Variants in CCDC14 observed in about 807,000 individuals in gnomAD.
CCDC14 encodes coiled-coil domain containing 14.
In CCDC14, 71 loss-of-function variants were observed where a neutral mutation model predicts 81.4. The ratio of observed to expected loss-of-function variants is 0.87; its 90% confidence interval spans 0.72 to 1.06. The LOEUF is 1.06. Among genes scored for constraint, CCDC14 ranks in the 50% least tolerant of loss-of-function variants. CCDC14 has a pLI of 0.00. For synonymous variants in CCDC14, 332 were observed against 364.8 expected (o/e 0.91, Z 1.03); for missense variants, 1,046 against 1,047.3 (o/e 1.00, Z 0.02).
At chr3:123,898,328 C>A (rs1484820750) in intron 5 of CCDC14, among the ~76,000 whole-genome samples, 1 of 152,242 alleles carries the variant, frequency 6.6e-6, no homozygotes, top group Non-Finnish European at 1.5e-5. Flanking sequence ...AATAATTGTT[C>A]CACAAATGGT....
chr3:123,930,930 CCTAAA>C, intron 12 of CCDC14, 167 bp downstream of exon 12: 1 of 595,260 alleles, frequency 1.7e-6, no homozygotes, highest in Non-Finnish European at 2.7e-6. Context: ...GTTTGAAATT[CCTAAA>C]CTAATTTAAT....
At chr3:123,942,348 G>C (rs937187923) in intron 9 of CCDC14, among the ~76,000 whole-genome samples, 1 of 152,002 alleles carries the variant, frequency 6.6e-6, no homozygotes, top group East Asian at 1.9e-4. Context: ...AGCAGTATTT[G>C]CTGTTCATTA....
rs201345334 is a variant in CCDC14 at position 123,926,298 on chromosome 3, AAAGG to A, written c.1778+4800_1778+4803del. ...AGAAATATGAAAACGTTAAAATTTT[AAAGG>A]AAGGAATATGAGCACCTAAACTGTG... On this transcript the variant is annotated intron_variant, in intron 12 of 12. Transcript: ENST00000409697. Among the ~76,000 whole-genome samples, 204 of 152,096 alleles carry A rather than the reference AAAGG, an allele frequency of 1.3e-3. 3 individuals are homozygous for A. The East Asian group carries it at 0.038, about 28-fold the overall frequency.
At chr3:123,945,490 A>G (rs1343426080) in intron 8 of CCDC14, among the ~76,000 whole-genome samples, 2 of 152,122 alleles carry the variant, frequency 1.3e-5, no homozygotes, top group Non-Finnish European at 2.9e-5. Context: ...TTAATTTTCT[A>G]AAGTAGATTG....
In CCDC14 at chr3:123,915,689, A is replaced by G; in HGVS notation, c.1808T>C (p.Leu603Pro). The change falls in exon 13 of 13, where the codon CTC (leucine) becomes CCC (proline). Residue 603 changes from leucine (L) to proline (P), a missense_variant. Transcript: ENST00000409697. ...RTLQTSMAKLLSDLSVDSARC... is the reference protein window; with the variant it reads ...RTLQTSMAKLPSDLSVDSARC... ...AGCACTGTCCACACTAAGATCGGAG[A>G]GAAGCTTTGCCATGCTAGTCTGTAA... The G allele has an allele frequency of 6.2e-7, 1 of 1,613,016 alleles. No individual in the cohort carries two copies. The highest frequency in any genetic ancestry group is 8.5e-7 in the Non-Finnish European group (1 of 1,179,526).
chr3:123,911,788 G>A (rs180711766), downstream of CCDC14, among the ~76,000 whole-genome samples: 2 of 152,188 alleles, frequency 1.3e-5, no homozygotes, highest in African/African-American at 4.8e-5. Flanking sequence ...TACCTGGTCA[G>A]CTGTGATGAA....
chr3:123,929,671 G>A (rs1343625285), intron 12 of CCDC14, among the ~76,000 whole-genome samples: 1 of 152,182 alleles, frequency 6.6e-6, no homozygotes, highest in African/African-American at 2.4e-5. Flanking sequence ...TATATTCATA[G>A]AGTTGAGAAC....
chr3:123,931,138 C>T lies in CCDC14; in HGVS notation c.1742G>A (p.Arg581His), dbSNP rs147398809. The change falls in exon 12 of 13, where the codon CGT becomes CAT. Residue 581 changes from arginine (R) to histidine (H), a missense_variant. By Grantham distance (29) the Arg-to-His change is conservative (BLOSUM62 0). Transcript: ENST00000409697. ...NQILGITLRQ[R>H]DAEVTRLREL... Reference sequence around the variant, plus strand: ...TCTTAGTCGAGTCACCTCAGCATCACGCTGACGTAATGTTATCCCCAATAT... The same window carrying T: ...TCTTAGTCGAGTCACCTCAGCATCATGCTGACGTAATGTTATCCCCAATAT... The T allele has an allele frequency of 6.5e-5, 105 of 1,608,554 alleles. No individual in the cohort carries two copies. The highest frequency in any genetic ancestry group is 1.6e-4 in the African/African-American group (12 of 74,604).
In CCDC14 at chr3:123,914,938, A is replaced by G; in HGVS notation, c.2559T>C (p.Gly853=). 1 of 1,614,040 alleles carries G rather than the reference A, an allele frequency of 6.2e-7. No homozygotes were observed. The highest frequency in any genetic ancestry group is 1.3e-5 in the African/African-American group (1 of 75,064). The part of the protein sequence containing the change: ...LQVKGNTVCD[G]SVFTSDLMSD... ...ACATCAAGTCAGAAGTGAAAACACT[A>G]CCATCACAGACAGTATTGCCTTTCA... Residue 853 remains glycine (G), a synonymous_variant, in exon 13 of 13, where the codon GGT becomes GGC. Coordinates refer to ENST00000409697, the MANE Select transcript of CCDC14 (RefSeq NM_001366335.1).
chr3:123,957,970 G>A (rs1472492838), intron 1 of CCDC14: 1 of 151,820 alleles, frequency 6.6e-6, no homozygotes, highest in African/African-American at 2.4e-5. Context: ...AAAGTTATAC[G>A]GCATTCTATT....
At chr3:123,916,787 GTGTT>G (rs1033583091) in intron 12 of CCDC14, among the ~76,000 whole-genome samples, 6 of 152,082 alleles carry the variant, frequency 3.9e-5, no homozygotes, top group African/African-American at 9.7e-5. Flanking sequence ...GTCTAAGTGG[GTGTT>G]TGTTTGTTTG....
intron 12 of CCDC14, among the ~76,000 whole-genome samples, chr3:123,919,444 G>A (rs766866655): frequency 7.9e-5 from 12 of 152,116 alleles, no homozygotes; most frequent in African/African-American, 2.7e-4. Context: ...AGCCCAGCCC[G>A]CAACCCTGCC....
chr3:123,892,051 C>A, the CCDC14 span, among the ~76,000 whole-genome samples: 1 of 152,200 alleles, frequency 6.6e-6, no homozygotes, highest in Non-Finnish European at 1.5e-5. Context: ...ACCATCAGGT[C>A]TCGTGAGACC....
Position 123,947,114 on chromosome 3 carries a change from GTTTCCTTATGAA to G in CCDC14, c.878_889del (p.Ile293_Glu296del). ...TGTTTGAATACATTTTAGTAGGTCTGTTTCCTTATGAATTCCTTGTTGTGGCAGAATTCCATT... is the reference window on the plus strand; with the variant it reads ...TGTTTGAATACATTTTAGTAGGTCTGTTCCTTGTTGTGGCAGAATTCCATT... On this transcript the variant is annotated inframe_deletion, in exon 8 of 13. Coordinates refer to ENST00000409697, the MANE Select transcript of CCDC14 (RefSeq NM_001366335.1). The G allele has an allele frequency of 2.5e-6, 4 of 1,613,912 alleles. No individual in the cohort carries two copies. The highest frequency in any genetic ancestry group is 3.4e-6 in the Non-Finnish European group (4 of 1,179,870).
Position 123,933,451 on chromosome 3 carries a change from A to C in CCDC14, c.1426+222T>G. 7 of 516,952 alleles carry C rather than the reference A, an allele frequency of 1.4e-5. 1 individual carries two copies. Among genetic ancestry groups the C allele is most frequent in the Non-Finnish European group, 2.4e-5 (7 of 292,996 alleles). The allele number at this position is 516,952 out of a possible 1,614,324, so 32.0% of individuals were successfully genotyped here. On this transcript the variant is annotated intron_variant, in intron 10 of 12. Coordinates refer to ENST00000409697, the MANE Select transcript of CCDC14 (RefSeq NM_001366335.1). ...TCAGTAAGTGTTAAATAAATCAATT[A>C]TATATGAAGAGAAGATATGTAAAAG...
chr3:123,930,058 CAATTAT>C (rs1322503379), intron 12 of CCDC14, among the ~76,000 whole-genome samples: 2 of 152,140 alleles, frequency 1.3e-5, no homozygotes, highest in African/African-American at 2.4e-5. Flanking sequence ...AGAACCTAAT[CAATTAT>C]AATTATATGA....
chr3:123,906,345 AAAATAAAT>A (rs558961459), intron 5 of CCDC14, among the ~76,000 whole-genome samples: 10 of 151,226 alleles, frequency 6.6e-5, no homozygotes, highest in South Asian at 2.1e-4. Context: ...ATAAAAAATT[AAAATAAAT>A]AAATAAATAA....
intron 12 of CCDC14, among the ~76,000 whole-genome samples, chr3:123,922,323 C>A (rs1028970508): frequency 6.6e-6 from 1 of 151,812 alleles, no homozygotes; most frequent in Non-Finnish European, 1.5e-5. Context: ...AAAAGGAGAA[C>A]AAATTAAGCC....
intron 9 of CCDC14, among the ~76,000 whole-genome samples, chr3:123,936,436 T>C (rs1181404424): frequency 6.6e-6 from 1 of 152,114 alleles, no homozygotes; most frequent in Non-Finnish European, 1.5e-5. Flanking sequence ...AAATTTAAAG[T>C]GTGTCATTTT....
Sources: allele counts gnomAD v4.1 joint callset (sites outside exome capture counted in the v4.1 genomes callset), GRCh38; gene constraint gnomAD v4.1.1; transcripts MANE v1.5; gene names NCBI Gene and HGNC (gene_info 2026-07-23, HGNC 2026-07-21).